Variants in RTL1 observed in about 807,000 individuals in gnomAD.
RTL1 encodes retrotransposon Gag like 1.
For missense variants in RTL1, 1,681 were observed against 1,767.5 expected (o/e 0.95, Z 0.88); for synonymous variants, 727 against 748.4 (o/e 0.97, Z 0.47).
intron 3 of RTL1, among the ~76,000 whole-genome samples, chr14:100,892,855 TCA>T (rs2038800677): frequency 6.6e-6 from 1 of 152,106 alleles, no homozygotes; most frequent in Non-Finnish European, 1.5e-5. Context: ...TTCTAGCCAC[TCA>T]CCCCTAAAAC....
chr14:100,895,215 T>C (rs2038838655), intron 2 of RTL1, among the ~76,000 whole-genome samples: 1 of 152,184 alleles, frequency 6.6e-6, no homozygotes, highest in Non-Finnish European at 1.5e-5. Context: ...CACCATGATA[T>C]ACAGATGTGC....
At chr14:100,901,103 G>A (rs1278004281) in intron 2 of RTL1, among the ~76,000 whole-genome samples, 1 of 152,142 alleles carries the variant, frequency 6.6e-6, no homozygotes, top group East Asian at 1.9e-4. Context: ...GCGACCCCAG[G>A]GCTGACAGAT....
rs1257078037 is a variant in RTL1, at chr14:100,881,201, C to T, written c.3588G>A (p.Leu1196=). 1.9e-6 allele frequency: 3 copies of T among 1,542,604 alleles called. No individual in the cohort carries two copies. The highest frequency in any genetic ancestry group is 3.4e-4 in the Middle Eastern group (2 of 5,948). Residue 1196 remains leucine, a synonymous_variant, in exon 4 of 4, where the codon CTG becomes CTA. Transcript: ENST00000649591. This position sits in a 1 kb window ranked among gnomAD's most constrained non-coding sequence, Gnocchi z 6.6. ...LQFTPGFWLT[L]CEFFGVRVTP... is the part of the protein sequence containing the mutation. ...TGACTCTGACACCGAAGAACTCACA[C>T]AGCGTCAGCCAGAAGCCAGGGGTGA... is the stretch of plus-strand genomic sequence containing the variant.
At chr14:100,902,818 A>C (rs781023578) in intron 2 of RTL1, among the ~76,000 whole-genome samples, 10 of 152,216 alleles carry the variant, frequency 6.6e-5, no homozygotes, top group Non-Finnish European at 1.5e-4. Flanking sequence ...AGGCTTGCAC[A>C]CATCAGACAC....
intron 2 of RTL1, among the ~76,000 whole-genome samples, chr14:100,894,187 G>A (rs893317332): frequency 6.6e-6 from 1 of 151,724 alleles, no homozygotes; most frequent in African/African-American, 2.4e-5. Context: ...GCGTGCGCCT[G>A]TAATCCCAGC....
chr14:100,886,053 G>A (rs2038693842), intron 3 of RTL1, among the ~76,000 whole-genome samples: 1 of 152,096 alleles, frequency 6.6e-6, no homozygotes, highest in African/African-American at 2.4e-5. Context: ...AGAATTGAAA[G>A]GGAATGTCTT....
rs2038659000 is a variant in RTL1, at chr14:100,883,946, G to C, written c.843C>G (p.Arg281=). Residue 281 remains arginine, a synonymous_variant, in exon 4 of 4, where the codon CGC becomes CGG. Transcript: ENST00000649591. This position sits in a 1 kb window ranked among gnomAD's most constrained non-coding sequence, Gnocchi z 5.9. ...CCTCTTCTGCCACACGCAGTGCCTGGCGGTACTCAAACACTTCGGACATGG... is the reference window on the plus strand; with the variant it reads ...CCTCTTCTGCCACACGCAGTGCCTGCCGGTACTCAAACACTTCGGACATGG... ...LEAMSEVFEY[R]QALRVAEEAM... 15 of 1,551,668 alleles carry C rather than the reference G, an allele frequency of 9.7e-6. No homozygotes were observed. In the East Asian group the frequency reaches 3.7e-4, roughly 38 times the overall value.
intron 2 of RTL1, among the ~76,000 whole-genome samples, chr14:100,901,630 G>T (rs1171460792): frequency 6.6e-6 from 1 of 152,210 alleles, no homozygotes; most frequent in Non-Finnish European, 1.5e-5. Flanking sequence ...CAACCTGCCA[G>T]ACCTCCTCGC....
At position 100,881,437 on chromosome 14, in the gene RTL1, G is replaced by A. The variant is rs371727033; in HGVS notation, c.3352C>T (p.Pro1118Ser). ...AGTCGTAGGGAGCGCTGGGGCTGGG[G>A]CCGAGCCACCCGCATGGCGGGTGCC... ...RPAPAMRVAR[P>S]QPQRSLRLIL... The change falls in exon 4 of 4, where the codon CCC becomes TCC. Residue 1118 changes from proline (P) to serine (S), a missense_variant. Transcript: ENST00000649591. This position sits in a 1 kb window ranked among gnomAD's most constrained non-coding sequence, Gnocchi z 6.6. 474 of 1,550,798 alleles carry A rather than the reference G, an allele frequency of 3.1e-4. 5 individuals are homozygous for A. The Middle Eastern group carries it at 6.5e-3, about 21-fold the overall frequency.
At chr14:100,891,699 C>T (rs2038781667) in intron 3 of RTL1, among the ~76,000 whole-genome samples, 1 of 152,212 alleles carries the variant, frequency 6.6e-6, no homozygotes, top group East Asian at 1.9e-4. Context: ...TCTTGTCTTG[C>T]CCAAATCAGC....
chr14:100,890,062 C>A (rs1203216253), intron 3 of RTL1, among the ~76,000 whole-genome samples: 1 of 121,572 alleles, frequency 8.2e-6, no homozygotes, highest in African/African-American at 2.8e-5. Flanking sequence ...TTTGAAAATT[C>A]CCGCCTTATT....
At position 100,882,646 on chromosome 14, in the gene RTL1, C is replaced by T. The variant is rs757840414; in HGVS notation, c.2143G>A (p.Val715Met). Reference protein sequence around the residue: ...LSPDPIIPQNVIHFILKDMLG... With the variant: ...LSPDPIIPQNMIHFILKDMLG... ...ATGTCCTTTAGGATGAAGTGAATCA[C>T]GTTCTGAGGTATGATAGGGTCTGGG... The change falls in exon 4 of 4, where the codon GTG (valine) becomes ATG (methionine). Residue 715 changes from valine (V) to methionine (M), a missense_variant. Coordinates refer to ENST00000649591, the MANE Select transcript of RTL1 (RefSeq NM_001134888.3). 3.2e-6 allele frequency: 5 copies of T among 1,551,900 alleles called. No homozygotes were observed. Among genetic ancestry groups the T allele is most frequent in the South Asian group, 2.4e-5 (2 of 84,060 alleles).
chr14:100,892,345 C>G (rs544500229), intron 3 of RTL1, among the ~76,000 whole-genome samples: 1 of 152,280 alleles, frequency 6.6e-6, no homozygotes, highest in Admixed American at 6.5e-5. Flanking sequence ...GAGAGGCTGG[C>G]TAACCTTGCA....
At chr14:100,891,355 T>C (rs1464457605) in intron 3 of RTL1, among the ~76,000 whole-genome samples, 1 of 152,180 alleles carries the variant, frequency 6.6e-6, no homozygotes, top group Non-Finnish European at 1.5e-5. Context: ...GGCCTCGGAC[T>C]TCATCGTAGT....
At chr14:100,897,411 A>C (rs1051408705) in intron 2 of RTL1, among the ~76,000 whole-genome samples, 9 of 152,070 alleles carry the variant, frequency 5.9e-5, no homozygotes, top group Non-Finnish European at 1.3e-4. Context: ...GCCATCTTTA[A>C]TGCTTCCCTC....
rs1452149068 is a variant in RTL1 at position 100,883,874 on chromosome 14, G to A, written c.915C>T (p.Ile305=). ...TGGGTACCAGGCTCTGGAACTCATC[G>A]ATGTACTCAGTGGCAGAGCGGCCGC... ...RQGGRSATEY[I]DEFQSLVPIL... The change falls in exon 4 of 4, where the codon ATC becomes ATT. Residue 305 remains isoleucine (I), a synonymous_variant. Coordinates refer to ENST00000649591, the MANE Select transcript of RTL1 (RefSeq NM_001134888.3). The surrounding 1 kb of genome is among the most constrained non-coding windows in gnomAD (Gnocchi z 5.9). 10 of 1,551,426 alleles carry A rather than the reference G, an allele frequency of 6.4e-6. No individual in the cohort carries two copies. Among genetic ancestry groups the A allele is most frequent in the African/African-American group, 2.7e-5 (2 of 73,022 alleles).
rs1487107605 is a variant in RTL1, at chr14:100,883,114, A to G, written c.1675T>C (p.Tyr559His). The change falls in exon 4 of 4, where the codon TAC becomes CAC. Residue 559 changes from tyrosine to histidine, a missense_variant. Tyr to His is a moderately conservative substitution (Grantham distance 83). Transcript: ENST00000649591. This position sits in a 1 kb window ranked among gnomAD's most constrained non-coding sequence, Gnocchi z 5.9. ...TTAAACACGTCGGCCAGGTCTGAGT[A>G]TGGGTGTGGCAGTCCGGGTAGCAGG... ...MSLLPGLPHP[Y>H]SDLADVFNPK... 1 of 1,612,802 alleles carries G rather than the reference A, an allele frequency of 6.2e-7. No homozygotes were observed. The highest frequency in any genetic ancestry group is 8.5e-7 in the Non-Finnish European group (1 of 1,179,560).
At chr14:100,900,566 C>T (rs956516058) in intron 2 of RTL1, among the ~76,000 whole-genome samples, 8 of 152,194 alleles carry the variant, frequency 5.3e-5, no homozygotes, top group African/African-American at 1.7e-4. Context: ...CCTCAAGCAA[C>T]GGGGCAAGGG....
chr14:100,903,669 C>T lies in RTL1; in HGVS notation c.-309G>A, dbSNP rs1035839581. Among the ~76,000 whole-genome samples, 14 of 152,284 alleles carry T rather than the reference C, an allele frequency of 9.2e-5. No individual in the cohort carries two copies. Among genetic ancestry groups the T allele is most frequent in the African/African-American group, 2.6e-4 (11 of 41,570 alleles). ...CCAGACTCTCCGAGGCTCCCCACCA[C>T]ACCCTGCTGCTGAAGGCTGCTCAGC... On this transcript the variant is annotated 5_prime_UTR_variant, in exon 1 of 4. In the 5' UTR this introduces an upstream ATG that the reference lacks. Transcript: ENST00000649591.
Sources: allele counts gnomAD v4.1 joint callset (sites outside exome capture counted in the v4.1 genomes callset), GRCh38; gene constraint gnomAD v4.1.1; non-coding constraint Gnocchi (gnomAD v3.1); transcripts MANE v1.5; gene names NCBI Gene and HGNC (gene_info 2026-07-23, HGNC 2026-07-21).